The following MGLL variants were observed in gnomAD, a reference collection of about 807,000 sequenced individuals.
MGLL encodes the protein lysophospholipase homolog.
A neutral mutation model predicts 29.1 loss-of-function variants in MGLL; 7 were observed. The ratio of observed to expected loss-of-function variants is 0.24; its 90% CI spans 0.14 to 0.45. The LOEUF (loss-of-function observed/expected upper bound fraction) is 0.45. Ranked by LOEUF, MGLL falls within the 20% of genes least tolerant of loss-of-function variation. MGLL has a pLI of 0.99. For synonymous variants in MGLL, 148 were observed against 168.3 expected (o/e 0.88, Z 0.93); for missense variants, 356 against 413.6 (o/e 0.86, Z 1.21).
intron 3 of MGLL, chr3:127,736,399 A>G: frequency 1.0e-6 from 1 of 952,790 alleles, no homozygotes; most frequent in Non-Finnish European, 1.2e-6. Context: ...AGCGAAAAAG[A>G]GTAATGAGTC....
At chr3:127,757,557 C>T (rs1316406749) in intron 3 of MGLL, among the ~76,000 whole-genome samples, 1 of 152,142 alleles carries the variant, frequency 6.6e-6, no homozygotes, top group African/African-American at 2.4e-5. Flanking sequence ...TTTCAAAGAA[C>T]ACTGAGATTA....
Position 127,695,254 on chromosome 3 carries a change from T to A in MGLL, c.601-64A>T. On this transcript the variant is annotated intron_variant, in intron 6 of 7. Transcript: ENST00000265052. ...GGCTCACTTCCATAAGCCAGGCCTA[T>A]TTCCTGGTAGCTTTTCCTTCTGCTC... 3.3e-6 allele frequency: 5 copies of A among 1,504,304 alleles called. No homozygotes were observed. In the South Asian group the frequency reaches 5.7e-5, roughly 17 times the overall value. The allele number at this position is 1,504,304 out of a possible 1,614,324, so 93.2% of individuals were successfully genotyped here.
At chr3:127,749,543 C>T (rs969749617) in intron 3 of MGLL, among the ~76,000 whole-genome samples, 3 of 152,214 alleles carry the variant, frequency 2.0e-5, no homozygotes, top group Non-Finnish European at 4.4e-5. Flanking sequence ...TTCATCCTTA[C>T]TCACTGAGCA....
intron 2 of MGLL, among the ~76,000 whole-genome samples, chr3:127,813,557 G>A (rs944680479): frequency 3.3e-5 from 5 of 152,162 alleles, no homozygotes; most frequent in Admixed American, 1.3e-4. Flanking sequence ...TCAGAAGAAG[G>A]CATAAGGGAA....
intron 3 of MGLL, among the ~76,000 whole-genome samples, chr3:127,781,285 T>C (rs993148066): frequency 1.3e-5 from 2 of 152,232 alleles, no homozygotes; most frequent in African/African-American, 4.8e-5. Flanking sequence ...TGTATGACTA[T>C]ATGCATGGGT....
rs1559896520 is a variant in MGLL, at chr3:127,689,162, C to A, written c.*3036G>T. 2 of 152,242 alleles carry A rather than the reference C, an allele frequency of 1.3e-5. No individual in the cohort carries two copies. The highest frequency in any genetic ancestry group is 3.8e-4 in the East Asian group (2 of 5,202). The allele number at this position is 152,242 out of a possible 1,614,324, so 9.4% of individuals were successfully genotyped here. ...ATGTGCCCCGCAGACAGTATACACG[C>A]AGGGATGTGACTGAGCCACAGTGAC... On this transcript the variant is annotated 3_prime_UTR_variant, in exon 8 of 8. Transcript: ENST00000265052.
At chr3:127,776,264 C>A (rs1177470209) in intron 3 of MGLL, among the ~76,000 whole-genome samples, 1 of 152,062 alleles carries the variant, frequency 6.6e-6, no homozygotes, top group African/African-American at 2.4e-5. Flanking sequence ...GCCTCCTCTG[C>A]TCAGTGGTAG....
chr3:127,806,709 A>C (rs772452331), intron 2 of MGLL, among the ~76,000 whole-genome samples: 21 of 152,016 alleles, frequency 1.4e-4, no homozygotes, highest in Non-Finnish European at 2.4e-4. Flanking sequence ...GGATGGGTGA[A>C]TGAATGAATG....
At chr3:127,718,577 C>A (rs1359936550) in intron 5 of MGLL, among the ~76,000 whole-genome samples, 1 of 152,148 alleles carries the variant, frequency 6.6e-6, no homozygotes, top group Admixed American at 6.5e-5. Context: ...AGCAAAACCA[C>A]CAAATAAAAC....
intron 3 of MGLL, among the ~76,000 whole-genome samples, chr3:127,742,000 T>G (rs927231174): frequency 2.6e-5 from 4 of 152,234 alleles, no homozygotes; most frequent in African/African-American, 9.6e-5. Flanking sequence ...TTTTTGCTTT[T>G]ATAAATAACA....
At chr3:127,797,073 C>CAGGGTGGCAG (rs1431769128) in intron 2 of MGLL, among the ~76,000 whole-genome samples, 2 of 152,084 alleles carry the variant, frequency 1.3e-5, no homozygotes, top group African/African-American at 4.8e-5. Context: ...TGCTTGAGGA[C>CAGGGTGGCAG]AGGGTGGCAG....
intron 5 of MGLL, among the ~76,000 whole-genome samples, chr3:127,719,145 G>T (rs181538107): frequency 5.6e-4 from 85 of 152,344 alleles, no homozygotes; most frequent in Non-Finnish European, 7.6e-4. Context: ...TCTTTGAAAG[G>T]TCACAGTGGT....
At chr3:127,737,647 T>TC (rs1310425933) in intron 3 of MGLL, among the ~76,000 whole-genome samples, 1 of 132,418 alleles carries the variant, frequency 7.6e-6, no homozygotes, top group East Asian at 2.3e-4. Flanking sequence ...TTTTTTTTTT[T>TC]TTTTTTTTTT....
At chr3:127,799,311 A>T (rs1039751415) in intron 2 of MGLL, 18 of 152,182 alleles carry the variant, frequency 1.2e-4, no homozygotes, top group African/African-American at 4.3e-4. Flanking sequence ...GCTATTCGTT[A>T]GGATCAGAAG....
Position 127,710,401 on chromosome 3 carries a change from A to T in MGLL, c.600+175T>A, listed in dbSNP as rs544324843. Among the ~76,000 whole-genome samples the T allele has an allele frequency of 2.3e-3, 347 of 152,220 alleles. 3 individuals carry two copies. Among genetic ancestry groups the T allele is most frequent in the Non-Finnish European group, 1.3e-3 (87 of 67,994 alleles). On this transcript the variant is annotated intron_variant, in intron 6 of 7. Coordinates refer to ENST00000265052, the MANE Select transcript of MGLL (RefSeq NM_007283.7). ...ACAGCTCAGGCATCATAGCCAACCC[A>T]CCCTTTTCACCCAAACCTGAAGCCA...
chr3:127,813,061 T>C (rs888450302), intron 2 of MGLL, among the ~76,000 whole-genome samples: 30 of 152,324 alleles, frequency 2.0e-4, no homozygotes, highest in Non-Finnish European at 3.2e-4. Context: ...TCTAATCCAG[T>C]AGACTGTCAA....
chr3:127,729,575 C>G (rs949593923), intron 3 of MGLL, among the ~76,000 whole-genome samples: 5 of 152,152 alleles, frequency 3.3e-5, no homozygotes, highest in Admixed American at 2.0e-4. Context: ...GCAACACTAT[C>G]TATAAGAAGT....
intron 3 of MGLL, among the ~76,000 whole-genome samples, chr3:127,757,479 C>G (rs976302500): frequency 2.6e-5 from 4 of 152,164 alleles, no homozygotes; most frequent in Admixed American, 2.6e-4. Flanking sequence ...CATACACACA[C>G]ATATATACAA....
chr3:127,705,788 AAAAG>A (rs1367414611), intron 6 of MGLL, among the ~76,000 whole-genome samples: 1 of 151,668 alleles, frequency 6.6e-6, no homozygotes, highest in Non-Finnish European at 1.5e-5. Flanking sequence ...AAAAAAAAAA[AAAAG>A]AAGAAGAAGA....
Sources: allele counts gnomAD v4.1 joint callset (sites outside exome capture counted in the v4.1 genomes callset), GRCh38; gene constraint gnomAD v4.1.1; transcripts MANE v1.5; gene names NCBI Gene and HGNC (gene_info 2026-07-23, HGNC 2026-07-21).